PAPPA: variants seen among roughly 807,000 people sequenced by gnomAD.
PAPPA encodes pappalysin 1.
PAPPA carries 60 observed loss-of-function variants against 164.0 expected under a neutral mutation model. That is an observed-to-expected ratio of 0.37 (90% CI 0.30 to 0.45). The LOEUF (loss-of-function observed/expected upper bound fraction) is 0.45. Among genes scored for constraint, PAPPA ranks in the 20% least tolerant of loss-of-function variants. PAPPA has a pLI of 1.00. For missense variants in PAPPA, 1,782 were observed against 2,087.3 expected, an observed-to-expected ratio of 0.85 and a Z score of 2.85; for synonymous variants, 875 against 814.1, an observed-to-expected ratio of 1.07 and a Z score of -1.27.
At chr9:116,335,151 C>CA (rs1181127794) in intron 13 of PAPPA, 77 bp downstream of exon 13, 1 of 1,201,952 alleles carries the variant, frequency 8.3e-7, no homozygotes, top group African/African-American at 1.5e-5. Flanking sequence ...GCTGGGTAGC[C>CA]ATTTGTGTGG....
chr9:116,396,461 C>G (rs1253523437), intron 21 of PAPPA, 48 bp from the exon 22 acceptor site: 1 of 778,770 alleles, frequency 1.3e-6, no homozygotes, highest in South Asian at 1.3e-5. Context: ...CCTTTCTGAT[C>G]ATTACTGCTT....
rs1846228601 is a variant in PAPPA at position 116,347,613 on chromosome 9, G to A, written c.3964+404G>A. 6.6e-6 allele frequency among the ~76,000 whole-genome samples: 1 copy of A among 152,196 alleles called. No homozygotes were observed. Among genetic ancestry groups the A allele is most frequent in the African/African-American group, 2.4e-5 (1 of 41,444 alleles). ...TTACTATTATTCCCATTTCACAGATGAGGAAACCAAGCCTCAGAGGGTTTA... is the reference window on the plus strand; with the variant it reads ...TTACTATTATTCCCATTTCACAGATAAGGAAACCAAGCCTCAGAGGGTTTA... On this transcript the variant is annotated intron_variant, in intron 15 of 21. Coordinates refer to ENST00000328252, the MANE Select transcript of PAPPA (RefSeq NM_002581.5). This position sits in a 1 kb window ranked among gnomAD's most constrained non-coding sequence, Gnocchi z 4.5.
At chr9:116,264,383 A>G (rs1434542636) in intron 7 of PAPPA, among the ~76,000 whole-genome samples, 2 of 152,212 alleles carry the variant, frequency 1.3e-5, no homozygotes, top group African/African-American at 4.8e-5. Flanking sequence ...ATCTCCAGGG[A>G]TTTTTGGTCT....
At chr9:116,300,084 C>T (rs1194454938) in intron 9 of PAPPA, among the ~76,000 whole-genome samples, 1 of 151,888 alleles carries the variant, frequency 6.6e-6, no homozygotes, top group Non-Finnish European at 1.5e-5. Context: ...TTGGATTGGG[C>T]CTAGGTTATA....
chr9:116,182,189 G>A (rs1385954898), intron 1 of PAPPA, among the ~76,000 whole-genome samples: 1 of 152,208 alleles, frequency 6.6e-6, no homozygotes, highest in Non-Finnish European at 1.5e-5. Flanking sequence ...TGAAGATTAA[G>A]CAAGATAATT....
In PAPPA at chr9:116,321,228, C is replaced by T. The variant is rs769268859; in HGVS notation, c.3148-10016C>T. Among the ~76,000 whole-genome samples, 9 of 151,994 alleles carry T rather than the reference C, an allele frequency of 5.9e-5. 1 individual carries two copies. Among genetic ancestry groups the T allele is most frequent in the Non-Finnish European group, 1.0e-4 (7 of 68,002 alleles). On this transcript the variant is annotated intron_variant, in intron 10 of 21. Coordinates refer to ENST00000328252, the MANE Select transcript of PAPPA (RefSeq NM_002581.5). ...ATTTTTAGTAGAGACAGGGTTTCAC[C>T]GTGTTAGCCAAGATGGTCTCGATCT...
At chr9:116,326,209 C>G (rs955751849) in intron 10 of PAPPA, among the ~76,000 whole-genome samples, 3 of 152,140 alleles carry the variant, frequency 2.0e-5, no homozygotes, top group Non-Finnish European at 2.9e-5. Flanking sequence ...TCAGCCCAAC[C>G]ACACCTGCTC....
intron 9 of PAPPA, among the ~76,000 whole-genome samples, chr9:116,285,113 G>T (rs1174286132): frequency 6.7e-6 from 1 of 149,718 alleles, no homozygotes; most frequent in African/African-American, 2.4e-5. Context: ...CTGAGCCCAG[G>T]ATTTGCTTTT....
Position 116,336,557 on chromosome 9 carries a change from C to G in PAPPA, c.3611+1483C>G, listed in dbSNP as rs533349313. On this transcript the variant is annotated intron_variant, in intron 13 of 21. Coordinates refer to ENST00000328252, the MANE Select transcript of PAPPA (RefSeq NM_002581.5). ...ACAACACTTTCCCATTTTTAACCAG[C>G]CTTCCTGACCATCCATAAGTTGACT... 6.6e-5 allele frequency among the ~76,000 whole-genome samples: 10 copies of G among 152,304 alleles called. No homozygotes were observed. The South Asian group carries it at 2.1e-3, about 32-fold the overall frequency.
At chr9:116,391,132 A>T (rs1039279151) in intron 21 of PAPPA, among the ~76,000 whole-genome samples, 2 of 152,072 alleles carry the variant, frequency 1.3e-5, no homozygotes, top group African/African-American at 4.8e-5. Flanking sequence ...TAATTTACCC[A>T]TATTTTTTCC....
At chr9:116,169,310 CTTTTTTTTTT>C (rs563871496) in intron 1 of PAPPA, among the ~76,000 whole-genome samples, 17 of 52,152 alleles carry the variant, frequency 3.3e-4, no homozygotes, top group East Asian at 1.8e-3. Flanking sequence ...CAAACCCATT[CTTTTTTTTTT>C]TTTTTTTTTT....
At chr9:116,177,149 TG>T (rs1843847044) in intron 1 of PAPPA, among the ~76,000 whole-genome samples, 1 of 152,334 alleles carries the variant, frequency 6.6e-6, no homozygotes, top group East Asian at 1.9e-4. Flanking sequence ...ACATCCTTCA[TG>T]ATGCCCATTT....
intron 2 of PAPPA, among the ~76,000 whole-genome samples, chr9:116,190,546 T>C (rs1444933699): frequency 6.6e-6 from 1 of 152,228 alleles, no homozygotes; most frequent in African/African-American, 2.4e-5. Flanking sequence ...GGATATTTTT[T>C]AATCTAAGGA....
At chr9:116,289,202 AT>A (rs1845391824) in intron 9 of PAPPA, among the ~76,000 whole-genome samples, 6 of 23,752 alleles carry the variant, frequency 2.5e-4, no homozygotes, top group African/African-American at 6.4e-4. Context: ...TATAGCATAT[AT>A]ATATAGCATA....
intron 10 of PAPPA, among the ~76,000 whole-genome samples, chr9:116,329,251 G>T: frequency 6.6e-6 from 1 of 152,132 alleles, no homozygotes; most frequent in East Asian, 1.9e-4. Context: ...ACCTGGTCCC[G>T]TTCATTGGAG....
At position 116,154,735 on chromosome 9, in the gene PAPPA, G is replaced by T. The variant is rs1587931275; in HGVS notation, c.415+148G>T. ...GCGAGCGGCGCAGAGACATCCGGGCGAGCTGAGAGCCTCACTTTGCTCCAT... is the reference window on the plus strand; with the variant it reads ...GCGAGCGGCGCAGAGACATCCGGGCTAGCTGAGAGCCTCACTTTGCTCCAT... On this transcript the variant is annotated intron_variant, in intron 1 of 21. Coordinates refer to ENST00000328252, the MANE Select transcript of PAPPA (RefSeq NM_002581.5). This position sits in a 1 kb window ranked among gnomAD's most constrained non-coding sequence, Gnocchi z 5.2. 4 of 983,388 alleles carry T rather than the reference G, an allele frequency of 4.1e-6. No homozygotes were observed. The highest frequency in any genetic ancestry group is 4.3e-5 in the Admixed American group (1 of 23,068). The allele number at this position is 983,388 out of a possible 1,614,324, so 60.9% of individuals were successfully genotyped here.
chr9:116,256,406 A>T (rs892307453), intron 7 of PAPPA, among the ~76,000 whole-genome samples: 3 of 152,030 alleles, frequency 2.0e-5, no homozygotes, highest in African/African-American at 7.2e-5. Context: ...GGAATAAATA[A>T]GCAAGGAAAA....
At chr9:116,386,843 C>T (rs1564252196) in intron 21 of PAPPA, among the ~76,000 whole-genome samples, 1 of 152,158 alleles carries the variant, frequency 6.6e-6, no homozygotes, top group Non-Finnish European at 1.5e-5. Context: ...CCCATCATCC[C>T]TGACATCCCT....
At chr9:116,157,478 G>T (rs1024190956) in intron 1 of PAPPA, among the ~76,000 whole-genome samples, 7 of 152,190 alleles carry the variant, frequency 4.6e-5, no homozygotes, top group Admixed American at 2.0e-4. Flanking sequence ...ATTCTCTGGA[G>T]GGTCCACCAG....
Sources: gnomAD v4.1 joint callset for allele counts (sites outside exome capture counted in the v4.1 genomes callset) on GRCh38, gnomAD v4.1.1 for gene constraint, Gnocchi (gnomAD v3.1) non-coding constraint, MANE v1.5 for transcripts, NCBI Gene and HGNC (gene_info 2026-07-23, HGNC 2026-07-21) for gene names.